SNAP91: variants seen among roughly 807,000 people sequenced by gnomAD.
SNAP91 encodes synaptosome associated protein 91.
Under a neutral mutation model 100.3 loss-of-function variants are expected in SNAP91, and 27 were observed. The observed-to-expected ratio is 0.27, with a 90% confidence interval of 0.20 to 0.37. The LOEUF is 0.37. SNAP91 is among the 10% of genes least tolerant of loss of function. The probability of loss-of-function intolerance (pLI) is 1.00; values close to 1 mark genes in which losing one functional copy is unlikely to be tolerated. For missense variants in SNAP91, 986 were observed against 1,123.7 expected (o/e 0.88, Z 1.75); for synonymous variants, 404 against 398.6 (o/e 1.01, Z -0.16).
At position 83,707,916 on chromosome 6, in the gene SNAP91, T is replaced by G. The variant is rs1298578992; in HGVS notation, c.12A>C (p.Gln4His). The change falls in exon 2 of 30, where the codon CAA becomes CAC. Residue 4 changes from glutamine (Q) to histidine (H), a missense_variant. This residue lies in a region of SNAP91 where 330 missense variants were observed against 447.5 expected (regional missense o/e 0.74). Coordinates refer to ENST00000369694, the MANE Select transcript of SNAP91 (RefSeq NM_001242792.2). Reference sequence around the variant, plus strand: ...CGGCGGCGATCCGATCCGTGAGCGTTTGGCCCGACATCTTCTGTGGTCGCG... The same window carrying G: ...CGGCGGCGATCCGATCCGTGAGCGTGTGGCCCGACATCTTCTGTGGTCGCG... MSG[Q>H]TLTDRIAAAQ... The G allele has an allele frequency of 6.3e-7, 1 of 1,587,702 alleles. No individual in the cohort carries two copies. The highest frequency in any genetic ancestry group is 8.5e-7 in the Non-Finnish European group (1 of 1,171,446).
chr6:83,593,612 G>A lies in SNAP91; in HGVS notation c.1562C>T (p.Thr521Ile). 1 of 1,600,004 alleles carries A rather than the reference G, an allele frequency of 6.2e-7. No homozygotes were observed. Among genetic ancestry groups the A allele is most frequent in the South Asian group, 1.1e-5 (1 of 89,314 alleles). ...AACGGCAGGAGCAGGAGAAGGAGCA[G>A]TTGCGGGAACTGGAGGGGCTGTGCT... ...TASTAPPVPA[T>I]APSPAPAVAA... is the part of the protein sequence containing the mutation. Residue 521 changes from threonine to isoleucine, a missense_variant, in exon 18 of 30, where the codon ACT becomes ATT. Around this residue, in one of 4 missense-constraint regions of SNAP91, gnomAD observed 575 missense variants for 579.9 expected, o/e 0.99. Transcript: ENST00000369694.
intron 2 of SNAP91, among the ~76,000 whole-genome samples, chr6:83,683,519 A>G (rs1422310647): frequency 6.6e-6 from 1 of 152,130 alleles, no homozygotes; most frequent in African/African-American, 2.4e-5. Flanking sequence ...GCCATGTGAC[A>G]TGCCTGCTCC....
chr6:83,560,803 TG>T (rs1395426362), intron 27 of SNAP91, 60 bp downstream of exon 27: 1 of 1,391,488 alleles, frequency 7.2e-7, no homozygotes, highest in East Asian at 2.3e-5. Flanking sequence ...CTTAGTAATT[TG>T]GGATTTGGCA....
chr6:83,669,448 GAT>G (rs2098744444), intron 2 of SNAP91, among the ~76,000 whole-genome samples: 2 of 151,798 alleles, frequency 1.3e-5, no homozygotes, highest in Non-Finnish European at 2.9e-5. Flanking sequence ...AACTTGGGAA[GAT>G]ATATCTGGTA....
At chr6:83,612,009 C>T (rs2096142181) in intron 11 of SNAP91, among the ~76,000 whole-genome samples, 1 of 151,700 alleles carries the variant, frequency 6.6e-6, no homozygotes, top group Non-Finnish European at 1.5e-5. Context: ...GCATGAGCCA[C>T]CGCGCCAGGC....
chr6:83,633,649 G>C (rs2097301555), intron 8 of SNAP91, among the ~76,000 whole-genome samples: 1 of 152,004 alleles, frequency 6.6e-6, no homozygotes, highest in East Asian at 1.9e-4. Flanking sequence ...AGGTTGTCAG[G>C]GAAGTGGGGG....
At chr6:83,637,580 C>T (rs977217119) in intron 8 of SNAP91, among the ~76,000 whole-genome samples, 1 of 152,178 alleles carries the variant, frequency 6.6e-6, no homozygotes, top group Non-Finnish European at 1.5e-5. Flanking sequence ...TTTTGACTGG[C>T]TAGACTTGTT....
At chr6:83,698,326 CAAAAAAAA>C (rs34370410) in intron 2 of SNAP91, among the ~76,000 whole-genome samples, 2 of 108,178 alleles carry the variant, frequency 1.8e-5, no homozygotes, top group Admixed American at 1.8e-4. Flanking sequence ...TCTCCAAGGC[CAAAAAAAA>C]AAAAAAAAGA....
At chr6:83,615,053 T>C (rs2096397464) in intron 10 of SNAP91, among the ~76,000 whole-genome samples, 191 bp from the exon 11 acceptor site, 1 of 152,084 alleles carries the variant, frequency 6.6e-6, no homozygotes, top group African/African-American at 2.4e-5. Flanking sequence ...AAAAAGTAAT[T>C]TGAAATGGAG....
rs995272807 is a variant in SNAP91, at chr6:83,553,559, T to C, written c.*737A>G. On this transcript the variant is annotated 3_prime_UTR_variant, in exon 30 of 30. Transcript: ENST00000369694. ...TCAAGAATGAATAAATAGGTCAATT[T>C]AGATGCAAAACCTGTCAAATATAAT... 3.3e-5 allele frequency: 5 copies of C among 152,106 alleles called. No homozygotes were observed. Among genetic ancestry groups the C allele is most frequent in the Non-Finnish European group, 7.4e-5 (5 of 68,004 alleles). The allele number at this position is 152,106 out of a possible 1,614,324, so 9.4% of individuals were successfully genotyped here.
chr6:83,702,500 TGTG>T (rs1176437779), intron 2 of SNAP91, among the ~76,000 whole-genome samples: 1 of 152,220 alleles, frequency 6.6e-6, no homozygotes. Flanking sequence ...TTACAACTAA[TGTG>T]GCAATATATC....
At chr6:83,623,411 A>G (rs1360730578) in intron 8 of SNAP91, 69 bp from the exon 9 acceptor site, 7 of 1,110,686 alleles carry the variant, frequency 6.3e-6, no homozygotes, top group Non-Finnish European at 5.3e-6. Context: ...ATGGAAGATC[A>G]CCTACACAAT....
chr6:83,605,855 A>T, intron 13 of SNAP91, 52 bp from the exon 14 acceptor site: 1 of 1,423,470 alleles, frequency 7.0e-7, no homozygotes, highest in South Asian at 1.3e-5. Flanking sequence ...TATAACATAA[A>T]GGTGTTTTTG....
intron 3 of SNAP91, 99 bp downstream of exon 3, chr6:83,665,340 C>T: frequency 4.3e-6 from 5 of 1,158,456 alleles, no homozygotes; most frequent in East Asian, 2.4e-5. Flanking sequence ...TTTTCTTTTT[C>T]TCCTAATTAG....
At chr6:83,649,378 C>G (rs1036850933) in intron 7 of SNAP91, among the ~76,000 whole-genome samples, 31 of 152,266 alleles carry the variant, frequency 2.0e-4, no homozygotes, top group African/African-American at 7.2e-4. Flanking sequence ...TACAGGCTGT[C>G]TGAGTGTCCT....
At chr6:83,561,237 G>T (rs1217835444) in intron 26 of SNAP91, among the ~76,000 whole-genome samples, 1 of 152,050 alleles carries the variant, frequency 6.6e-6, no homozygotes, top group Non-Finnish European at 1.5e-5. Context: ...GTAGAGATGG[G>T]TCATGCTATG....
chr6:83,660,916 C>T (rs1029049781), intron 5 of SNAP91, among the ~76,000 whole-genome samples: 3 of 151,934 alleles, frequency 2.0e-5, no homozygotes, highest in Non-Finnish European at 2.9e-5. Context: ...GCAGCTGGGA[C>T]TACAGGCACA....
chr6:83,702,702 C>T (rs1279852830), intron 2 of SNAP91, among the ~76,000 whole-genome samples: 1 of 146,816 alleles, frequency 6.8e-6, no homozygotes, highest in Middle Eastern at 3.3e-3. Flanking sequence ...ACACCAACTG[C>T]AAAAACTGAA....
chr6:83,596,378 G>T (rs1168086445), intron 16 of SNAP91, among the ~76,000 whole-genome samples: 2 of 152,138 alleles, frequency 1.3e-5, no homozygotes, highest in African/African-American at 4.8e-5. Context: ...TACAAGCAGG[G>T]CAGAAGAATG....
Sources: allele counts gnomAD v4.1 joint callset (sites outside exome capture counted in the v4.1 genomes callset), GRCh38; gene constraint gnomAD v4.1.1; regional missense constraint gnomAD v4.1.1; transcripts MANE v1.5; gene names NCBI Gene and HGNC (gene_info 2026-07-23, HGNC 2026-07-21).